The following PPM1E variants were observed in gnomAD, a reference collection of about 807,000 sequenced individuals.
PPM1E encodes protein phosphatase, Mg2+/Mn2+ dependent 1E.
A neutral mutation model predicts 65.9 loss-of-function variants in PPM1E; 20 were observed. The ratio of observed to expected loss-of-function variants is 0.30; its 90% CI spans 0.21 to 0.44. The LOEUF is 0.44. Among genes scored for constraint, PPM1E ranks in the 20% least tolerant of loss-of-function variants. The pLI is 1.00. For missense variants in PPM1E, 713 were observed against 953.1 expected (o/e 0.75, Z 3.32); for synonymous variants, 352 against 374.9 (o/e 0.94, Z 0.70).
intron 1 of PPM1E, among the ~76,000 whole-genome samples, chr17:58,916,789 C>T (rs1205254810): frequency 6.6e-6 from 1 of 152,064 alleles, no homozygotes; most frequent in Non-Finnish European, 1.5e-5. Context: ...CAGGGTTTAA[C>T]TGAGAGCTTT....
At chr17:58,762,238 C>G (rs904629006) in intron 1 of PPM1E, among the ~76,000 whole-genome samples, 1 of 152,088 alleles carries the variant, frequency 6.6e-6, no homozygotes, top group African/African-American at 2.4e-5. Context: ...GTGGCTCATT[C>G]CTGTAATCCC....
At position 58,853,519 on chromosome 17, in the gene PPM1E, G is replaced by T. The variant is rs1441457045; in HGVS notation, c.464+97058G>T. Among the ~76,000 whole-genome samples, 5 of 152,088 alleles carry T rather than the reference G, an allele frequency of 3.3e-5. No homozygotes were observed. In the East Asian group the frequency reaches 5.8e-4, roughly 18 times the overall value. On this transcript the variant is annotated intron_variant, in intron 1 of 6. Transcript: ENST00000308249. ...ATTCTGCCTTGATTACTGTAGCTTT[G>T]TAGTAACTTTTGAAATCAGAAAGTG...
At chr17:58,860,030 A>G (rs1013203341) in intron 1 of PPM1E, among the ~76,000 whole-genome samples, 4 of 152,208 alleles carry the variant, frequency 2.6e-5, no homozygotes, top group African/African-American at 9.7e-5. Context: ...TTGTTCAATA[A>G]TGAGATTCTT....
At chr17:58,811,668 G>A (rs1235171197) in intron 1 of PPM1E, among the ~76,000 whole-genome samples, 1 of 151,882 alleles carries the variant, frequency 6.6e-6, no homozygotes, top group Non-Finnish European at 1.5e-5. Context: ...GAATTAATTT[G>A]TGCTGTTTTT....
intron 6 of PPM1E, among the ~76,000 whole-genome samples, chr17:58,973,859 G>A (rs914128346): frequency 1.3e-5 from 2 of 148,950 alleles, no homozygotes; most frequent in South Asian, 4.2e-4. Flanking sequence ...GGTTGAGGCA[G>A]GAGAATCACT....
intron 3 of PPM1E, 55 bp from the exon 4 acceptor site, chr17:58,969,484 C>T: frequency 6.5e-7 from 1 of 1,540,082 alleles, no homozygotes; most frequent in South Asian, 1.1e-5. Flanking sequence ...GAGATTGGTT[C>T]ATTTGAATCA....
At chr17:58,805,557 G>A (rs768614418) in intron 1 of PPM1E, among the ~76,000 whole-genome samples, 13 of 151,984 alleles carry the variant, frequency 8.6e-5, no homozygotes, top group Non-Finnish European at 1.8e-4. Flanking sequence ...GCCCCAGTGT[G>A]TAGTCTTTTA....
intron 1 of PPM1E, among the ~76,000 whole-genome samples, chr17:58,857,416 T>G (rs1020268339): frequency 6.6e-6 from 1 of 152,102 alleles, no homozygotes; most frequent in African/African-American, 2.4e-5. Context: ...TTAATCAGAC[T>G]GAGTTTAAAT....
chr17:58,931,408 G>A (rs962471814), intron 1 of PPM1E, among the ~76,000 whole-genome samples: 7 of 144,638 alleles, frequency 4.8e-5, no homozygotes, highest in African/African-American at 1.8e-4. Flanking sequence ...GGAAGGAAGG[G>A]AGGGAGGGAG....
chr17:58,980,782 C>T lies in PPM1E; in HGVS notation c.2019C>T (p.His673=), dbSNP rs752259398. ...RVSRLSHLRH[H]YSKKWHRFRF... ...CTAGATTGTCTCATTTACGCCACCA[C>T]TACTCAAAGAAGTGGCACAGATTCA... Residue 673 remains histidine (H), a synonymous_variant, in exon 7 of 7, where the codon CAC becomes CAT. Transcript: ENST00000308249. This position sits in a 1 kb window ranked among gnomAD's most constrained non-coding sequence, Gnocchi z 4.7. The T allele has an allele frequency of 3.2e-5, 51 of 1,614,044 alleles. No homozygotes were observed. The highest frequency in any genetic ancestry group is 4.2e-6 in the Non-Finnish European group (5 of 1,180,012).
At chr17:58,904,150 TAAAA>T (rs970530884) in intron 1 of PPM1E, among the ~76,000 whole-genome samples, 9 of 152,096 alleles carry the variant, frequency 5.9e-5, no homozygotes, top group Admixed American at 1.3e-4. Context: ...ACATAATAAA[TAAAA>T]AAGGTACTAT....
At chr17:58,762,100 C>T (rs2049827233) in intron 1 of PPM1E, among the ~76,000 whole-genome samples, 1 of 152,178 alleles carries the variant, frequency 6.6e-6, no homozygotes, top group Non-Finnish European at 1.5e-5. Context: ...TAGGCCATTA[C>T]AAACTATTAC....
intron 1 of PPM1E, among the ~76,000 whole-genome samples, chr17:58,794,272 G>A (rs956936817): frequency 6.6e-6 from 1 of 151,408 alleles, no homozygotes; most frequent in Admixed American, 6.6e-5. Context: ...TAGAGACAAG[G>A]TCTCCCTGTG....
intron 1 of PPM1E, among the ~76,000 whole-genome samples, chr17:58,922,530 A>C (rs1226735406): frequency 6.6e-6 from 1 of 152,156 alleles, no homozygotes; most frequent in Non-Finnish European, 1.5e-5. Context: ...TTGGGATTGC[A>C]GATGTGAGCC....
chr17:58,792,285 TA>T (rs1286555783), intron 1 of PPM1E, among the ~76,000 whole-genome samples: 2 of 148,496 alleles, frequency 1.3e-5, no homozygotes, highest in Admixed American at 6.8e-5. Flanking sequence ...TATATGATAT[TA>T]TATAGTAATA....
intron 1 of PPM1E, among the ~76,000 whole-genome samples, chr17:58,864,347 G>C (rs2050975439): frequency 6.6e-6 from 1 of 152,174 alleles, no homozygotes; most frequent in African/African-American, 2.4e-5. Context: ...TTAAGATACT[G>C]TAGCATAATC....
chr17:58,884,074 T>A lies in PPM1E; in HGVS notation c.465-71575T>A, dbSNP rs138542005. Among the ~76,000 whole-genome samples, 393 of 152,340 alleles carry A rather than the reference T, an allele frequency of 2.6e-3. 3 individuals are homozygous for A. The highest frequency in any genetic ancestry group is 8.9e-3 in the African/African-American group (368 of 41,570). On this transcript the variant is annotated intron_variant, in intron 1 of 6. Coordinates refer to ENST00000308249, the MANE Select transcript of PPM1E (RefSeq NM_014906.5). ...CTTGTTTTTCAGAATGATACCTGCG[T>A]CCTCTACTGTACCTGGTGTCCTCTA...
At chr17:58,811,718 C>T (rs1020385708) in intron 1 of PPM1E, among the ~76,000 whole-genome samples, 9 of 151,880 alleles carry the variant, frequency 5.9e-5, no homozygotes, top group African/African-American at 2.2e-4. Flanking sequence ...GTCGCCAGGC[C>T]GGAATATGGT....
chr17:58,767,279 C>T (rs551315374), intron 1 of PPM1E, among the ~76,000 whole-genome samples: 20 of 152,046 alleles, frequency 1.3e-4, no homozygotes, highest in Non-Finnish European at 2.2e-4. Flanking sequence ...TTATCATTAA[C>T]CTGTTTTGCA....
Sources: allele counts gnomAD v4.1 joint callset (sites outside exome capture counted in the v4.1 genomes callset), GRCh38; gene constraint gnomAD v4.1.1; non-coding constraint Gnocchi (gnomAD v3.1); transcripts MANE v1.5; gene names NCBI Gene and HGNC (gene_info 2026-07-23, HGNC 2026-07-21).